Variants in SYT1 observed in about 807,000 individuals in gnomAD.
SYT1 encodes the protein synaptotagmin-1.
A neutral mutation model predicts 44.8 loss-of-function variants in SYT1; 8 were observed. The observed-to-expected ratio is 0.18, with a 90% confidence interval of 0.10 to 0.32. SYT1 has a LOEUF of 0.32. Ranked by LOEUF, SYT1 falls within the 10% of genes least tolerant of loss-of-function variation. SYT1 has a pLI of 1.00. For missense variants in SYT1, 286 were observed against 509.3 expected (o/e 0.56, Z 4.22); for synonymous variants, 154 against 188.8 (o/e 0.82, Z 1.51).
intron 8 of SYT1, among the ~76,000 whole-genome samples, chr12:79,352,055 G>A (rs1882927818): frequency 6.6e-6 from 1 of 152,036 alleles, no homozygotes; most frequent in Non-Finnish European, 1.5e-5. Context: ...AACATATTTG[G>A]TGATGTTTCC....
At chr12:79,311,208 G>C (rs1161067709) in intron 8 of SYT1, among the ~76,000 whole-genome samples, 6 of 152,114 alleles carry the variant, frequency 3.9e-5, no homozygotes, top group Non-Finnish European at 8.8e-5. Flanking sequence ...GTGGGCAAAG[G>C]ACATGAACAG....
At chr12:78,981,506 G>C (rs544712920) in intron 2 of SYT1, among the ~76,000 whole-genome samples, 3 of 152,268 alleles carry the variant, frequency 2.0e-5, no homozygotes, top group Admixed American at 2.0e-4. Context: ...ATGGTAAGGA[G>C]AGATAGTGGG....
intron 1 of SYT1, among the ~76,000 whole-genome samples, chr12:78,877,085 G>A (rs1443474889): frequency 1.3e-5 from 2 of 148,722 alleles, no homozygotes; most frequent in African/African-American, 2.5e-5. Flanking sequence ...AATATTTATT[G>A]AATGAGTGTA....
intron 1 of SYT1, among the ~76,000 whole-genome samples, chr12:78,872,959 T>C (rs1011774034): frequency 1.3e-5 from 2 of 151,870 alleles, no homozygotes; most frequent in South Asian, 2.1e-4. Flanking sequence ...AGAGACAGAA[T>C]AATGTTTTAG....
chr12:79,442,892 T>A (rs1218016319), intron 9 of SYT1, among the ~76,000 whole-genome samples: 3 of 152,194 alleles, frequency 2.0e-5, no homozygotes, highest in African/African-American at 4.8e-5. Context: ...ATCCTAGATT[T>A]AAATTTTTTT....
intron 3 of SYT1, among the ~76,000 whole-genome samples, chr12:79,058,024 A>G (rs1163290630): frequency 6.6e-6 from 1 of 152,016 alleles, no homozygotes; most frequent in Non-Finnish European, 1.5e-5. Context: ...GGTTTGGACA[A>G]TTGTATATTT....
chr12:79,023,001 T>C (rs373378683), intron 2 of SYT1, among the ~76,000 whole-genome samples: 3 of 151,850 alleles, frequency 2.0e-5, no homozygotes, highest in Non-Finnish European at 2.9e-5. Context: ...AAATCAGTAA[T>C]TATTGTTCTT....
In SYT1 at chr12:79,083,539, A is replaced by G. The variant is rs541254148; in HGVS notation, c.-18+36177A>G. 7.2e-5 allele frequency among the ~76,000 whole-genome samples: 11 copies of G among 152,308 alleles called. No homozygotes were observed. In the South Asian group the frequency reaches 2.3e-3, roughly 32 times the overall value. ...AGATAAATAGTATTGGCTGAAAAAT[A>G]CTATACTAGCCATATGATTTTTAAA... On this transcript the variant is annotated intron_variant, in intron 3 of 10. Coordinates refer to ENST00000261205, the MANE Select transcript of SYT1 (RefSeq NM_005639.3).
At chr12:79,142,284 A>T (rs1869608252) in intron 3 of SYT1, among the ~76,000 whole-genome samples, 1 of 152,220 alleles carries the variant, frequency 6.6e-6, no homozygotes, top group Admixed American at 6.5e-5. Flanking sequence ...CACCTTCACT[A>T]CTAATGCTCT....
intron 3 of SYT1, among the ~76,000 whole-genome samples, chr12:79,138,290 A>C (rs1284813252): frequency 6.6e-6 from 1 of 152,140 alleles, no homozygotes; most frequent in African/African-American, 2.4e-5. Context: ...CAATGAAATC[A>C]TGTATGATTT....
Position 79,129,097 on chromosome 12 carries a change from C to T in SYT1, c.-18+81735C>T, listed in dbSNP as rs975074960. Among the ~76,000 whole-genome samples the T allele has an allele frequency of 3.9e-5, 6 of 152,262 alleles. No homozygotes were observed. The South Asian group carries it at 1.2e-3, about 32-fold the overall frequency. ...AGACCCTCCTGATGGTATCCCTTCC[C>T]TCTCCTTTAGCTTTATGTGTACTTT... On this transcript the variant is annotated intron_variant, in intron 3 of 10. Coordinates refer to ENST00000261205, the MANE Select transcript of SYT1 (RefSeq NM_005639.3).
At chr12:79,179,551 A>AGATATAGATATATAGATATG (rs1565842608) in intron 3 of SYT1, among the ~76,000 whole-genome samples, 8 of 134,722 alleles carry the variant, frequency 5.9e-5, no homozygotes, top group Non-Finnish European at 1.3e-4. Flanking sequence ...ATAGAGATAT[A>AGATATAGATATATAGATATG]GATATAGATT....
At chr12:79,246,453 C>G (rs140194603) in intron 4 of SYT1, among the ~76,000 whole-genome samples, 3 of 151,990 alleles carry the variant, frequency 2.0e-5, no homozygotes, top group Non-Finnish European at 4.4e-5. Flanking sequence ...AAAATATGTG[C>G]GACTGGATAA....
chr12:79,220,726 T>C (rs1007476550), intron 4 of SYT1, among the ~76,000 whole-genome samples: 1 of 152,130 alleles, frequency 6.6e-6, no homozygotes, highest in Admixed American at 6.5e-5. Flanking sequence ...TTCCATGTAT[T>C]TGTGCATTTT....
chr12:79,132,414 A>T (rs1592777385), intron 3 of SYT1, among the ~76,000 whole-genome samples: 1 of 150,524 alleles, frequency 6.6e-6, no homozygotes. Flanking sequence ...GCACCACTGC[A>T]CTCCAGCCTG....
At chr12:79,082,541 A>G (rs1408660862) in intron 3 of SYT1, among the ~76,000 whole-genome samples, 2 of 152,214 alleles carry the variant, frequency 1.3e-5, no homozygotes, top group Admixed American at 1.3e-4. Context: ...AAAATAATAT[A>G]TACATAAACA....
intron 3 of SYT1, among the ~76,000 whole-genome samples, chr12:79,064,984 GAAAGAAAGAA>G (rs1478142253): frequency 3.6e-5 from 5 of 140,286 alleles, no homozygotes; most frequent in African/African-American, 5.3e-5. Flanking sequence ...AAGAAAGAAA[GAAAGAAAGAA>G]AGAAAAGGAA....
chr12:79,184,971 A>T (rs1242208555), intron 3 of SYT1, among the ~76,000 whole-genome samples: 1 of 152,024 alleles, frequency 6.6e-6, no homozygotes, highest in Admixed American at 6.6e-5. Context: ...CTGACATAAA[A>T]CTGCATGAGC....
At chr12:78,951,255 G>A (rs1289267810) in intron 1 of SYT1, among the ~76,000 whole-genome samples, 4 of 151,940 alleles carry the variant, frequency 2.6e-5, no homozygotes, top group Non-Finnish European at 5.9e-5. Flanking sequence ...TAATACGTCA[G>A]TCTATTATGG....
Sources: gnomAD v4.1 joint callset for allele counts (sites outside exome capture counted in the v4.1 genomes callset) on GRCh38, gnomAD v4.1.1 for gene constraint, MANE v1.5 for transcripts, NCBI Gene and HGNC (gene_info 2026-07-23, HGNC 2026-07-21) for gene names.